Variants in SLC25A48 observed in about 807,000 individuals in gnomAD.
SLC25A48 encodes solute carrier family 25 member 48, also known as CTC-321K16.1.
In SLC25A48, 29 loss-of-function variants were observed where a neutral mutation model predicts 32.2. That is an observed-to-expected ratio of 0.90 (90% CI 0.67 to 1.23). The LOEUF is 1.23. Among genes scored for constraint, SLC25A48 ranks in the 50% most tolerant of loss-of-function variants. The pLI is 0.00. For synonymous variants in SLC25A48, 164 were observed against 172.3 expected, an observed-to-expected ratio of 0.95 and a Z score of 0.38; for missense variants, 399 against 422.7, an observed-to-expected ratio of 0.94 and a Z score of 0.49.
chr5:135,686,473 G>A (rs1179217369), intron 3 of SLC25A48, among the ~76,000 whole-genome samples: 1 of 152,178 alleles, frequency 6.6e-6, no homozygotes, highest in Non-Finnish European at 1.5e-5. Context: ...TCTCAGGGTA[G>A]TCTCCTCAGT....
At chr5:135,706,615 G>A (rs1449190299) in intron 3 of SLC25A48, among the ~76,000 whole-genome samples, 4 of 152,146 alleles carry the variant, frequency 2.6e-5, no homozygotes, top group Non-Finnish European at 5.9e-5. Context: ...GCAAGTACTG[G>A]ATGTGGTGTG....
chr5:135,821,330 C>T (rs1294181681), intron 4 of SLC25A48, among the ~76,000 whole-genome samples: 2 of 152,200 alleles, frequency 1.3e-5, no homozygotes, highest in Non-Finnish European at 2.9e-5. Flanking sequence ...CAGCAAGTGA[C>T]TGGAGAGGAG....
chr5:135,886,673 TGA>T (rs368347571), intron 7 of SLC25A48, among the ~76,000 whole-genome samples: 2,186 of 32,388 alleles, frequency 0.067, 67 homozygotes, highest in Non-Finnish European at 0.11. Flanking sequence ...TGTGTGTGTG[TGA>T]GAGAGAGAGA....
At chr5:135,642,878 G>A (rs528567385) in intron 3 of SLC25A48, among the ~76,000 whole-genome samples, 1 of 152,318 alleles carries the variant, frequency 6.6e-6, no homozygotes, top group Non-Finnish European at 1.5e-5. Context: ...AGAGAGAAAA[G>A]GGCACAGGCT....
intron 1 of SLC25A48, among the ~76,000 whole-genome samples, chr5:135,583,593 G>A (rs1425805817): frequency 6.6e-6 from 1 of 151,718 alleles, no homozygotes; most frequent in East Asian, 1.9e-4. Flanking sequence ...CTGAGGCCCA[G>A]CAATGGGGTT....
intron 3 of SLC25A48, among the ~76,000 whole-genome samples, chr5:135,798,466 T>G (rs1487156425): frequency 3.3e-5 from 5 of 150,902 alleles, no homozygotes; most frequent in Non-Finnish European, 7.4e-5. Flanking sequence ...TATCGCAGGT[T>G]GTGTACATTC....
chr5:135,843,470 T>C (rs1025051300), intron 2 of SLC25A48, among the ~76,000 whole-genome samples: 1 of 152,126 alleles, frequency 6.6e-6, no homozygotes, highest in East Asian at 1.9e-4. Context: ...GAGACAGATA[T>C]TTTTAGGACA....
chr5:135,771,084 T>C (rs557808021), intron 3 of SLC25A48, among the ~76,000 whole-genome samples: 2 of 142,846 alleles, frequency 1.4e-5, no homozygotes, highest in African/African-American at 5.2e-5. Context: ...ATGATATTAC[T>C]TTCAATATCG....
chr5:135,634,497 G>A (rs1288729532), intron 2 of SLC25A48, among the ~76,000 whole-genome samples: 2 of 152,336 alleles, frequency 1.3e-5, no homozygotes, highest in Admixed American at 1.3e-4. Context: ...GAGAAGGCTT[G>A]GGCCCTACCT....
intron 3 of SLC25A48, among the ~76,000 whole-genome samples, chr5:135,646,678 T>TATATATACAC (rs966073970): frequency 2.5e-4 from 34 of 136,772 alleles, no homozygotes; most frequent in Admixed American, 9.0e-4. Flanking sequence ...TATATATATA[T>TATATATACAC]ACAATGGGAA....
chr5:135,605,871 G>C (rs770421385), intron 1 of SLC25A48, among the ~76,000 whole-genome samples: 21 of 152,164 alleles, frequency 1.4e-4, no homozygotes, highest in Non-Finnish European at 2.4e-4. Flanking sequence ...GCTTGGGAAG[G>C]TATTGTCAAA....
chr5:135,612,023 A>G (rs1049902489), intron 1 of SLC25A48, among the ~76,000 whole-genome samples: 10 of 152,250 alleles, frequency 6.6e-5, no homozygotes. Context: ...AGGCAACATG[A>G]ACGGTTTATA....
rs1757938132 is a variant in SLC25A48, at chr5:135,823,248, G to A, written c.-117+10322G>A. Among the ~76,000 whole-genome samples, 3 of 152,176 alleles carry A rather than the reference G, an allele frequency of 2.0e-5. No homozygotes were observed. In the South Asian group the frequency reaches 6.2e-4, roughly 32 times the overall value. On this transcript the variant is annotated intron_variant, in intron 4 of 10. Transcript: ENST00000646290. Reference sequence around the variant, plus strand: ...AGTCCACAAGTGGAACAGCCTGGGGGCTTGCTCAGGATCAAAGGGGCCCCC... The same window carrying A: ...AGTCCACAAGTGGAACAGCCTGGGGACTTGCTCAGGATCAAAGGGGCCCCC...
chr5:135,672,211 T>C (rs1032353023), intron 3 of SLC25A48, among the ~76,000 whole-genome samples: 2 of 152,174 alleles, frequency 1.3e-5, no homozygotes, highest in Non-Finnish European at 2.9e-5. Context: ...CTTCTGGAGA[T>C]GTTCCAGGGA....
At chr5:135,583,061 G>A (rs1210563346) in intron 1 of SLC25A48, among the ~76,000 whole-genome samples, 1 of 152,110 alleles carries the variant, frequency 6.6e-6, no homozygotes, top group Non-Finnish European at 1.5e-5. Flanking sequence ...ATGTAGCAGG[G>A]GTTCACTCCC....
intron 4 of SLC25A48, among the ~76,000 whole-genome samples, chr5:135,864,821 T>G (rs1280919115): frequency 6.6e-6 from 1 of 152,238 alleles, no homozygotes; most frequent in Non-Finnish European, 1.5e-5. Flanking sequence ...TTTAAAGCAA[T>G]TGACAACAGC....
chr5:135,651,412 C>G lies in SLC25A48; in HGVS notation c.-521+16456C>G, dbSNP rs116215527. 3.4e-3 allele frequency among the ~76,000 whole-genome samples: 516 copies of G among 152,274 alleles called. 5 individuals are homozygous for G. The highest frequency in any genetic ancestry group is 0.012 in the African/African-American group (487 of 41,572). On this transcript the variant is annotated intron_variant, in intron 3 of 10. Coordinates refer to the SLC25A48 transcript ENST00000646290. ...CTGTACAGTGAGTTCCTAGGCATGG[C>G]ATGTGTGGACACCTTCCCCTGACAC...
At chr5:135,642,603 CATTGGTTAATA>C (rs566632321) in intron 3 of SLC25A48, among the ~76,000 whole-genome samples, 109 of 152,320 alleles carry the variant, frequency 7.2e-4, no homozygotes, top group African/African-American at 2.5e-3. Flanking sequence ...GGCTCTTATT[CATTGGTTAATA>C]ATGTGTTATT....
rs190879614 is a variant in SLC25A48, at chr5:135,593,064, G to A, written c.-849+13467G>A. 1.1e-4 allele frequency among the ~76,000 whole-genome samples: 16 copies of A among 152,232 alleles called. No homozygotes were observed. The East Asian group carries it at 1.4e-3, about 13-fold the overall frequency. On this transcript the variant is annotated intron_variant, in intron 1 of 10. Transcript: ENST00000646290. ...AGAGCTCAGCAGGACCCAGGCTCCC[G>A]GCTTCCTGACTCCTGTTTAATAGTG...
Sources: gnomAD v4.1 joint callset for allele counts (sites outside exome capture counted in the v4.1 genomes callset) on GRCh38, gnomAD v4.1.1 for gene constraint, MANE v1.5 for transcripts, NCBI Gene and HGNC (gene_info 2026-07-23, HGNC 2026-07-21) for gene names.